Variants in FAN1 observed in about 807,000 individuals in gnomAD.
FAN1 encodes the protein FANCD2 and FANCI associated nuclease 1, also known as fanconi-associated nuclease 1.
FAN1 carries 91 observed loss-of-function variants against 104.9 expected under a neutral mutation model. The observed-to-expected ratio is 0.87, with a 90% confidence interval of 0.73 to 1.03. The LOEUF is 1.03. FAN1 is among the 50% of genes least tolerant of loss of function. The pLI is 0.00. For synonymous variants in FAN1, 478 were observed against 457.6 expected, an observed-to-expected ratio of 1.04 and a Z score of -0.57; for missense variants, 1,263 against 1,239.9, an observed-to-expected ratio of 1.02 and a Z score of -0.28.
chr15:30,918,911 G>C (rs2062252168), intron 6 of FAN1, among the ~76,000 whole-genome samples: 1 of 152,134 alleles, frequency 6.6e-6, no homozygotes, highest in African/African-American at 2.4e-5. Context: ...CGACCCCTCA[G>C]ACAGTCAAGA....
intron 14 of FAN1, chr15:30,941,213 A>G (rs770512383): frequency 1.6e-5 from 22 of 1,384,542 alleles, no homozygotes; most frequent in Non-Finnish European, 2.1e-5. Context: ...AAAATGTAGC[A>G]GACAACATGA....
Position 30,941,750 on chromosome 15 carries a change from A to G in FAN1, c.*188A>G. ...GCTCAGTACGTCGACTTCATCAGCC[A>G]GGAGGGAGAGCTTGTGAAAGGCTGT... On this transcript the variant is annotated 3_prime_UTR_variant, in exon 15 of 15. Coordinates refer to ENST00000362065, the MANE Select transcript of FAN1 (RefSeq NM_014967.5). 1 of 1,613,996 alleles carries G rather than the reference A, an allele frequency of 6.2e-7. No individual in the cohort carries two copies.
chr15:30,941,233 T>A, intron 14 of FAN1: 1 of 1,422,640 alleles, frequency 7.0e-7, no homozygotes, highest in Non-Finnish European at 9.3e-7. Context: ...AACAGTTTGA[T>A]CACGGTTACA....
chr15:30,929,425 T>C (rs2062556221), intron 12 of FAN1, 28 bp downstream of exon 12: 3 of 1,569,692 alleles, frequency 1.9e-6, no homozygotes, highest in Non-Finnish European at 2.6e-6. Context: ...TGGCAGGATT[T>C]GCTCAGAAAG....
intron 10 of FAN1, chr15:30,926,606 AGGGAAGGGTGATGTTATTG>A: frequency 1.0e-6 from 1 of 985,036 alleles, no homozygotes; most frequent in Non-Finnish European, 1.2e-6. Context: ...TATTACTTAC[AGGGAAGGGTGATGTTATTG>A]GGGAAGACGT....
In FAN1 at chr15:30,942,036, C is replaced by G. The variant is rs756568873; in HGVS notation, c.*474C>G. On this transcript the variant is annotated 3_prime_UTR_variant, in exon 15 of 15. Coordinates refer to ENST00000362065, the MANE Select transcript of FAN1 (RefSeq NM_014967.5). ...TCACTGATGATTCCATTCTTTAAGGCAGACGGCATTCCTCTTAGTGTGGAG... is the reference window on the plus strand; with the variant it reads ...TCACTGATGATTCCATTCTTTAAGGGAGACGGCATTCCTCTTAGTGTGGAG... 9.9e-6 allele frequency: 16 copies of G among 1,613,850 alleles called. No individual in the cohort carries two copies. The highest frequency in any genetic ancestry group is 1.2e-5 in the Non-Finnish European group (14 of 1,179,890).
chr15:30,906,551 G>T (rs1488455501), intron 2 of FAN1: 1 of 456,188 alleles, frequency 2.2e-6, no homozygotes, highest in Admixed American at 2.3e-5. Context: ...TTATTCAGAG[G>T]GCCATGATGA....
chr15:30,928,430 T>A (rs1287127316), intron 10 of FAN1, 123 bp from the exon 11 acceptor site: 1 of 1,507,786 alleles, frequency 6.6e-7, no homozygotes, highest in African/African-American at 1.4e-5. Context: ...GAATCTAAAA[T>A]ATTTCTATTA....
At chr15:30,939,964 C>T (rs2062983068) in intron 14 of FAN1, 2 of 982,432 alleles carry the variant, frequency 2.0e-6, no homozygotes, top group Non-Finnish European at 2.4e-6. Flanking sequence ...CCTGTTATAT[C>T]CAGAGACATT....
chr15:30,905,644 A>G lies in FAN1; in HGVS notation c.981A>G (p.Ala327=). Reference sequence around the variant, plus strand: ...CAGAGGCAAAATCTCATAGTTCTGCAGATGATGCTTCTGCATGGAGTAACA... The same window carrying G: ...CAGAGGCAAAATCTCATAGTTCTGCGGATGATGCTTCTGCATGGAGTAACA... The part of the protein sequence containing the change: ...SDSEAKSHSS[A]DDASAWSNIQ... Residue 327 remains alanine (A), a synonymous_variant, in exon 2 of 15, where the codon GCA becomes GCG. Transcript: ENST00000362065. 6.2e-7 allele frequency: 1 copy of G among 1,614,196 alleles called. No individual in the cohort carries two copies. Among genetic ancestry groups the G allele is most frequent in the Non-Finnish European group, 8.5e-7 (1 of 1,180,006 alleles).
chr15:30,939,515 A>G (rs911676919), intron 14 of FAN1: 3 of 981,428 alleles, frequency 3.1e-6, no homozygotes, highest in Non-Finnish European at 1.2e-6. Context: ...TAATCATGAT[A>G]TAACAACTGT....
At chr15:30,931,366 C>T (rs1241474392) in intron 13 of FAN1, among the ~76,000 whole-genome samples, 1 of 152,136 alleles carries the variant, frequency 6.6e-6, no homozygotes, top group East Asian at 1.9e-4. Context: ...CATTTCATCC[C>T]AGTCTATGGC....
At chr15:30,925,495 G>C (rs967209055) in intron 9 of FAN1, among the ~76,000 whole-genome samples, 11 of 152,176 alleles carry the variant, frequency 7.2e-5, no homozygotes, top group African/African-American at 2.7e-4. Context: ...TGCTTGGTGT[G>C]GTCACACCCT....
rs1319256864 is a variant in FAN1 at position 30,942,553 on chromosome 15, A to G, written c.*991A>G. 7.4e-5 allele frequency: 25 copies of G among 339,658 alleles called. No individual in the cohort carries two copies. Among genetic ancestry groups the G allele is most frequent in the Non-Finnish European group, 1.1e-5 (2 of 188,578 alleles). 21.0% of individuals were successfully genotyped at this position (339,658 alleles called of 1,614,324 possible). A position where few individuals can be genotyped will look rare whatever the true frequency, so the allele number is the denominator to read the frequency against. ...AATGTTATTAGGACAAGAATATAGC[A>G]GTCAGGAGGCCATGACTACATCACA... is the stretch of plus-strand genomic sequence containing the variant. On this transcript the variant is annotated 3_prime_UTR_variant, in exon 15 of 15. Transcript: ENST00000362065.
At chr15:30,911,970 G>C (rs1342582603) in intron 4 of FAN1, among the ~76,000 whole-genome samples, 1 of 151,614 alleles carries the variant, frequency 6.6e-6, no homozygotes. Flanking sequence ...GCTGAGTCAG[G>C]AGAATTGCCT....
In FAN1 at chr15:30,925,942, A is replaced by G; in HGVS notation, c.2488+3A>G. 6.2e-7 allele frequency: 1 copy of G among 1,614,056 alleles called. No individual in the cohort carries two copies. The highest frequency in any genetic ancestry group is 8.5e-7 in the Non-Finnish European group (1 of 1,179,944). ...CAGACGCAGCGGTTTTGACCAGGGT[A>G]ACTGAGCAGGCTTTCTCTTGTGGCA... On this transcript the variant is annotated splice_donor_region_variant and intron_variant, in intron 10 of 14. Coordinates refer to ENST00000362065, the MANE Select transcript of FAN1 (RefSeq NM_014967.5).
At chr15:30,909,896 C>T (rs1369342486) in intron 3 of FAN1, among the ~76,000 whole-genome samples, 1 of 152,196 alleles carries the variant, frequency 6.6e-6, no homozygotes, top group Non-Finnish European at 1.5e-5. Flanking sequence ...CAGTTTGCCT[C>T]CTGAGTTGTG....
At position 30,905,445 on chromosome 15, in the gene FAN1, C is replaced by T. The variant is rs137920161; in HGVS notation, c.782C>T (p.Ala261Val). Residue 261 changes from alanine (A) to valine (V), a missense_variant, in exon 2 of 15, where the codon GCG (alanine) becomes GTG (valine). Ala to Val is a moderately conservative substitution (Grantham distance 64). This residue lies in a region of FAN1 where 682 missense variants were observed against 571.1 expected (regional missense o/e 1.19). Transcript: ENST00000362065. ...CTCACCCCTGGATTCTCAGATAATG[C>T]GATCATGTTATTCTCACCAGATTTC... is the stretch of plus-strand genomic sequence containing the variant. ...SALTPGFSDN[A>V]IMLFSPDFTL... 54 of 1,613,724 alleles carry T rather than the reference C, an allele frequency of 3.3e-5. No individual in the cohort carries two copies. Among genetic ancestry groups the T allele is most frequent in the Admixed American group, 5.0e-5 (3 of 59,986 alleles).
intron 8 of FAN1, among the ~76,000 whole-genome samples, chr15:30,923,119 T>A (rs955934254): frequency 6.6e-6 from 1 of 152,128 alleles, no homozygotes; most frequent in Non-Finnish European, 1.5e-5. Context: ...ATCAGGGTGA[T>A]GTAGGGGTGG....
Sources: allele counts gnomAD v4.1 joint callset (sites outside exome capture counted in the v4.1 genomes callset), GRCh38; gene constraint gnomAD v4.1.1; regional missense constraint gnomAD v4.1.1; transcripts MANE v1.5; gene names NCBI Gene and HGNC (gene_info 2026-07-23, HGNC 2026-07-21).